ZFYVE28: variants seen among roughly 807,000 people sequenced by gnomAD.
The protein encoded by ZFYVE28 is lateral signaling target protein 2 homolog.
In ZFYVE28, 40 loss-of-function variants were observed where a neutral mutation model predicts 82.1. That is an observed-to-expected ratio of 0.49 (90% CI 0.38 to 0.63). The LOEUF (loss-of-function observed/expected upper bound fraction) is 0.63. ZFYVE28 is among the 30% of genes least tolerant of loss of function. The pLI is 0.00. For synonymous variants in ZFYVE28, 612 were observed against 546.1 expected (o/e 1.12, Z -1.68); for missense variants, 1,321 against 1,242.1 (o/e 1.06, Z -0.96).
chr4:2,331,574 G>A (rs867124865), intron 6 of ZFYVE28, among the ~76,000 whole-genome samples: 1 of 152,150 alleles, frequency 6.6e-6, no homozygotes, highest in African/African-American at 2.4e-5. Flanking sequence ...GTTTGTCAAA[G>A]AGTCTGAGCC....
At chr4:2,317,943 T>G (rs1718471645) in intron 7 of ZFYVE28, among the ~76,000 whole-genome samples, 2 of 152,172 alleles carry the variant, frequency 1.3e-5, no homozygotes, top group African/African-American at 4.8e-5. Flanking sequence ...CAAGGCATGC[T>G]TTTGTTCCTA....
intron 7 of ZFYVE28, among the ~76,000 whole-genome samples, chr4:2,318,000 T>C (rs1718478957): frequency 6.6e-6 from 1 of 152,226 alleles, no homozygotes; most frequent in Admixed American, 6.5e-5. Flanking sequence ...GCTTTCTGCC[T>C]GGATTTCCTG....
At chr4:2,363,165 G>C (rs73205414) in intron 1 of ZFYVE28, among the ~76,000 whole-genome samples, 3 of 152,036 alleles carry the variant, frequency 2.0e-5, no homozygotes, top group Non-Finnish European at 2.9e-5. Flanking sequence ...ACCGTTGACC[G>C]GTCACCTGTG....
In ZFYVE28 at chr4:2,271,405, T is replaced by G; in HGVS notation, c.2438A>C (p.Glu813Ala). 6.2e-7 allele frequency: 1 copy of G among 1,612,706 alleles called. No homozygotes were observed. The highest frequency in any genetic ancestry group is 8.5e-7 in the Non-Finnish European group (1 of 1,179,810). ...GCCACAGGCCTCGTCTGGCACCCAC[T>G]CCGGGGGGTCTGTCACAACAACAGC... ...TRDGDFEDPP[E>A]WVPDEACGFC... Residue 813 changes from glutamate (E) to alanine (A), a missense_variant, in exon 12 of 13, where the codon GAG (glutamate) becomes GCG (alanine). Around this residue, in one of 2 missense-constraint regions of ZFYVE28, gnomAD observed 978 missense variants for 833.7 expected, o/e 1.17. Coordinates refer to ENST00000290974, the MANE Select transcript of ZFYVE28 (RefSeq NM_020972.3).
rs543789429 is a variant in ZFYVE28 at position 2,364,192 on chromosome 4, G to A, written c.40-10119C>T. Among the ~76,000 whole-genome samples the A allele has an allele frequency of 2.0e-4, 31 of 152,320 alleles. 1 individual carries two copies. In the South Asian group the frequency reaches 5.6e-3, roughly 27 times the overall value. On this transcript the variant is annotated intron_variant, in intron 1 of 12. Transcript: ENST00000290974. ...GCCAGCTGGGAAGGTGTTGCCTGGT[G>A]TGGCACCTGGGACAGCCTGCACATC...
At chr4:2,359,682 T>A (rs1248788453) in intron 1 of ZFYVE28, among the ~76,000 whole-genome samples, 1 of 152,182 alleles carries the variant, frequency 6.6e-6, no homozygotes, top group Non-Finnish European at 1.5e-5. Flanking sequence ...TTCCTACCGT[T>A]CCGGCTACCG....
intron 1 of ZFYVE28, among the ~76,000 whole-genome samples, chr4:2,354,453 A>ATTTTTTT (rs11454323): frequency 8.2e-6 from 1 of 122,542 alleles, no homozygotes; most frequent in Non-Finnish European, 1.7e-5. Flanking sequence ...CTCTCAGGAA[A>ATTTTTTT]TTTTTTTTTT....
In ZFYVE28 at chr4:2,320,130, TC is replaced by T. The variant is rs763730245; in HGVS notation, c.803+39del. The T allele has an allele frequency of 2.8e-5, 44 of 1,586,066 alleles. No individual in the cohort carries two copies. Among genetic ancestry groups the T allele is most frequent in the Middle Eastern group, 1.7e-4 (1 of 5,988 alleles). ...TCAGCGCCCACCTGTGGCCCTCCTG[TC>T]CCCCTCCCCTCCCCCACCTCCTCTA... On this transcript the variant is annotated intron_variant, in intron 7 of 12. Transcript: ENST00000290974. The surrounding 1 kb of genome is among the most constrained non-coding windows in gnomAD (Gnocchi z 5.1).
chr4:2,271,839 C>G, intron 10 of ZFYVE28, 60 bp from the exon 11 acceptor site: 21 of 1,464,610 alleles, frequency 1.4e-5, no homozygotes, highest in Non-Finnish European at 1.8e-5. Context: ...GATGCAGGGT[C>G]ACCTGCACTT....
intron 7 of ZFYVE28, among the ~76,000 whole-genome samples, chr4:2,315,666 C>T (rs767261634): frequency 1.3e-5 from 2 of 152,158 alleles, no homozygotes; most frequent in South Asian, 2.1e-4. Flanking sequence ...ATCTTATGTT[C>T]GTTTCAAAGT....
At chr4:2,381,732 C>A (rs1344104100) in intron 1 of ZFYVE28, among the ~76,000 whole-genome samples, 1 of 152,194 alleles carries the variant, frequency 6.6e-6, no homozygotes, top group Non-Finnish European at 1.5e-5. Context: ...AAGAGAAAAA[C>A]CCATTTTCTG....
chr4:2,299,352 T>C (rs1715138506), intron 8 of ZFYVE28, among the ~76,000 whole-genome samples: 1 of 151,984 alleles, frequency 6.6e-6, no homozygotes, highest in African/African-American at 2.4e-5. Flanking sequence ...ATGGCACTGC[T>C]GGGGGTAATC....
chr4:2,273,816 T>C (rs1736139762), intron 9 of ZFYVE28, among the ~76,000 whole-genome samples: 1 of 150,590 alleles, frequency 6.6e-6, no homozygotes, highest in African/African-American at 2.4e-5. Flanking sequence ...CCCACCCCAC[T>C]GCCCCCGCCG....
rs974133044 is a variant in ZFYVE28, at chr4:2,418,294, GT to G, written c.29del (p.Tyr10SerfsTer21). 3 of 1,536,908 alleles carry G rather than the reference GT, an allele frequency of 2.0e-6. No individual in the cohort carries two copies. Among genetic ancestry groups the G allele is most frequent in the Non-Finnish European group, 2.6e-6 (3 of 1,140,886 alleles). ...GAGCGGGGCCGCTCACCTTGGGTTT[GT>G]AGAGCCACTTTCGGAACCTGTTCAT... MMNRFRKWL[Y>X]KPKRSDPQLL... is the part of the protein sequence containing the mutation. On this transcript the variant is annotated frameshift_variant, in exon 1 of 13. Transcript: ENST00000290974. LOFTEE classifies it high-confidence loss of function. This position sits in a 1 kb window ranked among gnomAD's most constrained non-coding sequence, Gnocchi z 4.6.
chr4:2,413,524 C>T (rs556944526), intron 1 of ZFYVE28, among the ~76,000 whole-genome samples: 80 of 152,060 alleles, frequency 5.3e-4, no homozygotes, highest in Middle Eastern at 3.4e-3. Context: ...GAGCCCCCTC[C>T]GTGCCAGGCG....
intron 1 of ZFYVE28, among the ~76,000 whole-genome samples, chr4:2,391,762 G>T (rs1729865487): frequency 1.4e-5 from 2 of 140,756 alleles, no homozygotes; most frequent in South Asian, 2.3e-4. Flanking sequence ...TTGTGACTGA[G>T]TCTTGCTCTG....
chr4:2,402,584 C>T (rs763104735), intron 1 of ZFYVE28, among the ~76,000 whole-genome samples: 5 of 152,206 alleles, frequency 3.3e-5, no homozygotes, highest in African/African-American at 1.2e-4. Flanking sequence ...GGGAAGTGGC[C>T]GGCAGAAGAC....
chr4:2,377,227 T>C (rs971702889), intron 1 of ZFYVE28, among the ~76,000 whole-genome samples: 1 of 152,158 alleles, frequency 6.6e-6, no homozygotes, highest in South Asian at 2.1e-4. Context: ...TTTGCCGTGT[T>C]AGCCAGGATG....
chr4:2,391,437 A>G (rs1729812823), intron 1 of ZFYVE28, among the ~76,000 whole-genome samples: 1 of 142,886 alleles, frequency 7.0e-6, no homozygotes, highest in Admixed American at 7.2e-5. Flanking sequence ...GTCAGCTAGC[A>G]CTTAGGAGGT....
Sources: gnomAD v4.1 joint callset for allele counts (sites outside exome capture counted in the v4.1 genomes callset) on GRCh38, gnomAD v4.1.1 for gene constraint, gnomAD v4.1.1 regional missense constraint, Gnocchi (gnomAD v3.1) non-coding constraint, MANE v1.5 for transcripts, NCBI Gene and HGNC (gene_info 2026-07-23, HGNC 2026-07-21) for gene names.